Variants in TMEM182 observed in about 807,000 individuals in gnomAD.
The protein encoded by TMEM182 is transmembrane protein 182.
In TMEM182, 20 loss-of-function variants were observed where a neutral mutation model predicts 26.8. The observed-to-expected ratio is 0.75, with a 90% confidence interval of 0.53 to 1.09. The LOEUF (loss-of-function observed/expected upper bound fraction) is 1.09, where lower values mean the gene tolerates loss of function less well. Ranked by LOEUF, TMEM182 falls within the 50% of genes least tolerant of loss-of-function variation. TMEM182 has a pLI of 0.00. For missense variants in TMEM182, 277 were observed against 275.5 expected (o/e 1.01, Z -0.04); for synonymous variants, 109 against 102.2 (o/e 1.07, Z -0.40).
chr2:102,782,626 G>A (rs1681220011), intron 3 of TMEM182, among the ~76,000 whole-genome samples: 1 of 152,178 alleles, frequency 6.6e-6, no homozygotes, highest in South Asian at 2.1e-4. Flanking sequence ...AAGAAGTTAG[G>A]TCTCTCACCC....
intron 3 of TMEM182, among the ~76,000 whole-genome samples, chr2:102,835,418 C>T (rs1042262006): frequency 2.6e-5 from 4 of 152,194 alleles, no homozygotes; most frequent in Non-Finnish European, 1.5e-5. Flanking sequence ...TCATCCTCCA[C>T]CACAATGGTG....
intron 1 of TMEM182, among the ~76,000 whole-genome samples, chr2:102,750,764 G>A (rs924153220): frequency 3.3e-5 from 5 of 152,104 alleles, no homozygotes; most frequent in Non-Finnish European, 5.9e-5. Context: ...ATTTTTTATT[G>A]TGCCTACCTG....
chr2:102,802,400 C>T (rs1257990361), intron 4 of TMEM182, among the ~76,000 whole-genome samples: 1 of 152,164 alleles, frequency 6.6e-6, no homozygotes, highest in African/African-American at 2.4e-5. Context: ...GCAGAGACTT[C>T]CTCAGGCAGG....
rs1558787895 is a variant in TMEM182 at position 102,814,902 on chromosome 2, AT to A, written c.631del (p.Ser211LeufsTer3). ...WSFFLAPAGI[F>X]FSLLAGLLFL... ...CATTTTTCCTGGCCCCAGCTGGGATATTTTTTTCTTTGCTAGCTGGATTACT... is the reference window on the plus strand; with the variant it reads ...CATTTTTCCTGGCCCCAGCTGGGATATTTTTTCTTTGCTAGCTGGATTACT... On this transcript the variant is annotated frameshift_variant, in exon 5 of 5. Transcript: ENST00000412401. LOFTEE classifies it high-confidence loss of function. 1 of 1,613,570 alleles carries A rather than the reference AT, an allele frequency of 6.2e-7. No individual in the cohort carries two copies. The highest frequency in any genetic ancestry group is 1.3e-5 in the African/African-American group (1 of 74,778).
In TMEM182 at chr2:102,816,228, C is replaced by T. The variant is rs1211837301; in HGVS notation, c.*1260C>T. On this transcript the variant is annotated 3_prime_UTR_variant, in exon 5 of 5. Transcript: ENST00000412401. ...TGGAAGCCTCCATCGCAGGGGAGCT[C>T]GGCAGGGTATGTGAGCTTTGTTGGA... The T allele has an allele frequency of 1.9e-5, 19 of 985,178 alleles. 1 individual carries two copies. In the South Asian group the frequency reaches 6.6e-4, roughly 34 times the overall value. The allele number at this position is 985,178 out of a possible 1,614,324, so 61.0% of individuals were successfully genotyped here. A position where few individuals can be genotyped will look rare whatever the true frequency, so the allele number is the denominator to read the frequency against.
At chr2:102,736,939 C>G (rs1277389966) in exon 1 of TMEM182, 1 of 1,220,096 alleles carries the variant, frequency 8.2e-7, no homozygotes. Flanking sequence ...CCTGGCAGCT[C>G]CGCGGGTGCG....
intron 1 of TMEM182, among the ~76,000 whole-genome samples, chr2:102,743,725 G>C (rs1003113182): frequency 1.3e-5 from 2 of 152,050 alleles, no homozygotes; most frequent in Non-Finnish European, 2.9e-5. Flanking sequence ...ATACACAAAA[G>C]CCACTTTAAA....
At chr2:102,800,820 TG>T in intron 4 of TMEM182, among the ~76,000 whole-genome samples, 1 of 146,992 alleles carries the variant, frequency 6.8e-6, no homozygotes, top group Non-Finnish European at 1.5e-5. Flanking sequence ...TGTGTGTGTG[TG>T]TGTGTGTGTG....
At chr2:102,772,689 G>T (rs538155789) in intron 3 of TMEM182, among the ~76,000 whole-genome samples, 19 of 152,130 alleles carry the variant, frequency 1.2e-4, no homozygotes, top group Middle Eastern at 3.2e-3. Context: ...ACTCGGGCAG[G>T]CTTCTTAATC....
intron 4 of TMEM182, among the ~76,000 whole-genome samples, chr2:102,812,739 A>G (rs919365148): frequency 3.3e-5 from 5 of 152,222 alleles, no homozygotes; most frequent in Admixed American, 3.3e-4. Context: ...TTTCCATTAA[A>G]ATATCTGAAA....
chr2:102,774,388 C>T (rs545233871), intron 3 of TMEM182, among the ~76,000 whole-genome samples: 99 of 150,252 alleles, frequency 6.6e-4, no homozygotes, highest in South Asian at 1.7e-3. Flanking sequence ...CCTGAGTAGC[C>T]GGGATTACAG....
At chr2:102,784,059 T>C (rs1573530061) in intron 3 of TMEM182, among the ~76,000 whole-genome samples, 1 of 152,168 alleles carries the variant, frequency 6.6e-6, no homozygotes, top group East Asian at 1.9e-4. Context: ...AGGCATCTGC[T>C]GGCAGACACG....
intron 3 of TMEM182, 84 bp downstream of exon 3, chr2:102,764,511 T>C: frequency 9.0e-7 from 1 of 1,115,540 alleles, no homozygotes; most frequent in East Asian, 2.6e-5. Flanking sequence ...TGTGAGCAAT[T>C]AAAAAAATAA....
chr2:102,818,713 G>A (rs1277634480), downstream of TMEM182, among the ~76,000 whole-genome samples: 3 of 151,786 alleles, frequency 2.0e-5, no homozygotes, highest in African/African-American at 7.3e-5. Context: ...GATGTAAGGA[G>A]TCATATGATA....
chr2:102,822,611 A>C (rs1261120405), downstream of TMEM182, among the ~76,000 whole-genome samples: 1 of 152,176 alleles, frequency 6.6e-6, no homozygotes, highest in Non-Finnish European at 1.5e-5. Context: ...AACTTCTAAA[A>C]GCTGACTGTC....
At chr2:102,821,039 C>G (rs537217947), downstream of TMEM182, among the ~76,000 whole-genome samples, 1 of 152,268 alleles carries the variant, frequency 6.6e-6, no homozygotes, top group East Asian at 1.9e-4. Context: ...TTCTCAAAGT[C>G]CTGCAGTGGC....
At chr2:102,761,449 G>A (rs1680208830), upstream of TMEM182, among the ~76,000 whole-genome samples, 2 of 152,164 alleles carry the variant, frequency 1.3e-5, no homozygotes, top group South Asian at 4.1e-4. Flanking sequence ...TGCAGAAAGT[G>A]TTGTTTTTAT....
In TMEM182 at chr2:102,815,672, C is replaced by A; in HGVS notation, c.*704C>A. The A allele has an allele frequency of 2.0e-6, 2 of 983,828 alleles. No homozygotes were observed. Among genetic ancestry groups the A allele is most frequent in the Non-Finnish European group, 2.4e-6 (2 of 828,580 alleles). 60.9% of individuals were successfully genotyped at this position (983,828 alleles called of 1,614,324 possible). On this transcript the variant is annotated 3_prime_UTR_variant, in exon 5 of 5. Coordinates refer to ENST00000412401, the MANE Select transcript of TMEM182 (RefSeq NM_144632.5). ...AATCTGCATACCAAATTATGTATAA[C>A]GTAGATTGAATTTTTATGAACTTAA...
At chr2:102,837,954 CT>C (rs1233848676) in intron 3 of TMEM182, among the ~76,000 whole-genome samples, 1 of 152,142 alleles carries the variant, frequency 6.6e-6, no homozygotes, top group Admixed American at 6.5e-5. Context: ...TGAAAAATTA[CT>C]GAGAATTTCA....
Sources: gnomAD v4.1 joint callset for allele counts (sites outside exome capture counted in the v4.1 genomes callset) on GRCh38, gnomAD v4.1.1 for gene constraint, MANE v1.5 for transcripts, NCBI Gene and HGNC (gene_info 2026-07-23, HGNC 2026-07-21) for gene names.